CACNG4: variants seen among roughly 807,000 people sequenced by gnomAD.
The protein encoded by CACNG4 is voltage-dependent calcium channel gamma-4 subunit.
CACNG4 carries 8 observed loss-of-function variants against 22.9 expected under a neutral mutation model. That is an observed-to-expected ratio of 0.35 (90% CI 0.21 to 0.63). CACNG4 has a LOEUF of 0.63. CACNG4 is among the 30% of genes least tolerant of loss of function. The pLI is 0.72. For missense variants in CACNG4, 357 were observed against 455.4 expected, an observed-to-expected ratio of 0.78 and a Z score of 1.97; for synonymous variants, 188 against 191.9, an observed-to-expected ratio of 0.98 and a Z score of 0.17.
rs190482289 is a variant in CACNG4, at chr17:67,000,785, G to A, written c.221-17404G>A. Reference sequence around the variant, plus strand: ...AGCGATGGGGGCACAAGTTATCCTTGGGGATCCTCCCTTTCTGCTCCAAGT... The same window carrying A: ...AGCGATGGGGGCACAAGTTATCCTTAGGGATCCTCCCTTTCTGCTCCAAGT... On this transcript the variant is annotated intron_variant, in intron 1 of 3. Coordinates refer to ENST00000262138, the MANE Select transcript of CACNG4 (RefSeq NM_014405.4). Among the ~76,000 whole-genome samples the A allele has an allele frequency of 3.2e-4, 48 of 152,286 alleles. No individual in the cohort carries two copies. The East Asian group carries it at 8.7e-3, about 28-fold the overall frequency.
chr17:66,996,859 G>C (rs2035378456), intron 1 of CACNG4, among the ~76,000 whole-genome samples: 1 of 152,198 alleles, frequency 6.6e-6, no homozygotes, highest in South Asian at 2.1e-4. Flanking sequence ...AAAGAGAAGA[G>C]GGGGACAGGT....
intron 1 of CACNG4, among the ~76,000 whole-genome samples, chr17:66,973,165 G>A (rs565918367): frequency 1.3e-5 from 2 of 152,078 alleles, no homozygotes; most frequent in African/African-American, 4.8e-5. Flanking sequence ...GCTTAAACCT[G>A]GGAGGCGGAG....
intron 1 of CACNG4, among the ~76,000 whole-genome samples, chr17:66,994,820 C>G (rs1598111155): frequency 6.6e-6 from 1 of 152,016 alleles, no homozygotes; most frequent in East Asian, 1.9e-4. Context: ...TCTCAGAGGC[C>G]AGTGGTAGTG....
intron 1 of CACNG4, among the ~76,000 whole-genome samples, chr17:66,972,810 C>G (rs2035212733): frequency 6.6e-6 from 1 of 151,942 alleles, no homozygotes; most frequent in Non-Finnish European, 1.5e-5. Context: ...CTTGTCATTC[C>G]AGCTACTCGG....
chr17:67,031,116 C>A lies in CACNG4; in HGVS notation c.*112C>A, dbSNP rs1345535143. 4.2e-6 allele frequency: 5 copies of A among 1,192,266 alleles called. No homozygotes were observed. The highest frequency in any genetic ancestry group is 5.9e-6 in the Non-Finnish European group (5 of 847,742). 73.9% of individuals were successfully genotyped at this position (1,192,266 alleles called of 1,614,324 possible). ...AACAATGAACTAAAGCCAAATGCAG[C>A]CCTCCCTGGCCTCCAGAGGTGGCGT... On this transcript the variant is annotated 3_prime_UTR_variant, in exon 4 of 4. Transcript: ENST00000262138. The surrounding 1 kb of genome is among the most constrained non-coding windows in gnomAD (Gnocchi z 4.0).
intron 1 of CACNG4, among the ~76,000 whole-genome samples, chr17:66,987,565 G>A (rs2035312323): frequency 6.6e-6 from 1 of 152,168 alleles, no homozygotes; most frequent in African/African-American, 2.4e-5. Context: ...AGAAGCATCA[G>A]GCACTGAGAT....
chr17:67,018,899 G>A (rs562168367), intron 2 of CACNG4, among the ~76,000 whole-genome samples: 13 of 152,186 alleles, frequency 8.5e-5, no homozygotes, highest in Admixed American at 6.5e-4. Context: ...CATGTGGCCC[G>A]CAGACTGAAG....
chr17:66,966,479 C>T (rs767090101), intron 1 of CACNG4, among the ~76,000 whole-genome samples: 8 of 152,134 alleles, frequency 5.3e-5, no homozygotes, highest in Non-Finnish European at 1.0e-4. Context: ...AGTTCAGCCG[C>T]GGTTGTTTCT....
At chr17:66,997,646 A>G (rs6504481) in intron 1 of CACNG4, among the ~76,000 whole-genome samples, 32,195 of 152,068 alleles carry the variant, frequency 0.21, 7,403 homozygotes, top group African/African-American at 0.57. Flanking sequence ...GGGAAACCCC[A>G]TCTCTACTAA....
rs1399097316 is a variant in CACNG4 at position 67,032,509 on chromosome 17, A to G, written c.*1505A>G. 6.0e-6 allele frequency: 1 copy of G among 165,848 alleles called. No homozygotes were observed. The highest frequency in any genetic ancestry group is 1.3e-5 in the Non-Finnish European group (1 of 75,520). The allele number at this position is 165,848 out of a possible 1,614,324, so 10.3% of individuals were successfully genotyped here. A position where few individuals can be genotyped will look rare whatever the true frequency, so the allele number is the denominator to read the frequency against. ...GCATCCTTGCCTCAGCTACCTGCTC[A>G]CAGCCCATGGGTGGACTCGGCCCCC... On this transcript the variant is annotated 3_prime_UTR_variant, in exon 4 of 4. Transcript: ENST00000262138.
At chr17:66,968,058 C>T (rs372849167) in intron 1 of CACNG4, among the ~76,000 whole-genome samples, 19 of 152,220 alleles carry the variant, frequency 1.2e-4, no homozygotes, top group Admixed American at 6.5e-4. Flanking sequence ...GTGGCCTGCC[C>T]ATGACAGCCC....
At chr17:66,969,176 G>T (rs1021003753) in intron 1 of CACNG4, among the ~76,000 whole-genome samples, 1 of 152,058 alleles carries the variant, frequency 6.6e-6, no homozygotes, top group Non-Finnish European at 1.5e-5. Flanking sequence ...GTGTAGACGT[G>T]GAAGGGAAGA....
intron 1 of CACNG4, among the ~76,000 whole-genome samples, chr17:66,978,729 G>A (rs569743591): frequency 6.6e-6 from 1 of 152,314 alleles, no homozygotes; most frequent in East Asian, 1.9e-4. Context: ...TCCCTGCCTC[G>A]CATCTGAGCC....
chr17:66,978,656 G>C (rs1273721159), intron 1 of CACNG4, among the ~76,000 whole-genome samples: 2 of 152,220 alleles, frequency 1.3e-5, no homozygotes, highest in African/African-American at 4.8e-5. Context: ...CCGGCCCTCA[G>C]CTCTGAAAAG....
intron 1 of CACNG4, among the ~76,000 whole-genome samples, chr17:67,015,242 G>C (rs948509436): frequency 6.6e-6 from 1 of 152,230 alleles, no homozygotes; most frequent in Non-Finnish European, 1.5e-5. Context: ...TGAATCCTTA[G>C]GGGGTTAGGC....
intron 1 of CACNG4, among the ~76,000 whole-genome samples, chr17:66,965,606 G>A (rs1598097376): frequency 1.3e-5 from 2 of 150,634 alleles, no homozygotes; most frequent in Non-Finnish European, 3.0e-5. Context: ...CTGTGCTATT[G>A]CTATGGGAAC....
intron 1 of CACNG4, among the ~76,000 whole-genome samples, chr17:66,993,051 G>C (rs921988259): frequency 1.3e-5 from 2 of 152,204 alleles, no homozygotes; most frequent in Non-Finnish European, 2.9e-5. Context: ...CCACTGGGTT[G>C]GGACAGGCTG....
chr17:67,007,995 A>T (rs2035447214), intron 1 of CACNG4, among the ~76,000 whole-genome samples: 1 of 152,210 alleles, frequency 6.6e-6, no homozygotes, highest in African/African-American at 2.4e-5. Context: ...ACTGGGTCAC[A>T]GGCCACCTCA....
At chr17:66,983,578 C>T (rs918862631) in intron 1 of CACNG4, among the ~76,000 whole-genome samples, 3 of 152,136 alleles carry the variant, frequency 2.0e-5, no homozygotes, top group Admixed American at 2.0e-4. Context: ...GAACAACGCA[C>T]GATGCCAGGC....
Sources: allele counts gnomAD v4.1 joint callset (sites outside exome capture counted in the v4.1 genomes callset), GRCh38; gene constraint gnomAD v4.1.1; non-coding constraint Gnocchi (gnomAD v3.1); transcripts MANE v1.5; gene names NCBI Gene and HGNC (gene_info 2026-07-23, HGNC 2026-07-21).